The following EMID1 variants were observed in gnomAD, a reference collection of about 807,000 sequenced individuals.
The protein encoded by EMID1 is EMI domain containing 1.
In EMID1, 40 loss-of-function variants were observed where a neutral mutation model predicts 60.6. The observed-to-expected ratio is 0.66, with a 90% CI of 0.51 to 0.86. The LOEUF is 0.86. EMID1 is among the 40% of genes least tolerant of loss of function. The probability of loss-of-function intolerance (pLI) is 0.00; values close to 1 mark genes in which losing one functional copy is unlikely to be tolerated. For missense variants in EMID1, 585 were observed against 597.1 expected (o/e 0.98, Z 0.21); for synonymous variants, 242 against 231.0 (o/e 1.05, Z -0.43).
At chr22:29,214,264 G>T (rs1226609804) in intron 1 of EMID1, among the ~76,000 whole-genome samples, 1 of 152,214 alleles carries the variant, frequency 6.6e-6, no homozygotes, top group East Asian at 1.9e-4. Flanking sequence ...TGCTGCGGGA[G>T]CCAGGGCAGG....
At chr22:29,211,200 G>A (rs2146111161) in intron 1 of EMID1, among the ~76,000 whole-genome samples, 1 of 152,346 alleles carries the variant, frequency 6.6e-6, no homozygotes, top group Non-Finnish European at 1.5e-5. Flanking sequence ...GTCTGTCTAT[G>A]TCCATGTGAC....
intron 13 of EMID1, among the ~76,000 whole-genome samples, chr22:29,247,521 G>C (rs1325841464): frequency 6.6e-6 from 1 of 152,230 alleles, no homozygotes. Flanking sequence ...AACCTAAACA[G>C]CACGTTACTA....
At chr22:29,233,534 G>A in intron 9 of EMID1, 66 bp downstream of exon 9, 2 of 1,605,698 alleles carry the variant, frequency 1.2e-6, no homozygotes, top group Non-Finnish European at 8.5e-7. Flanking sequence ...TAGGGTTTGT[G>A]GCTATCAGGA....
intron 10 of EMID1, 42 bp from the exon 11 acceptor site, chr22:29,234,095 T>C: frequency 6.4e-7 from 1 of 1,554,900 alleles, no homozygotes; most frequent in Non-Finnish European, 8.7e-7. Flanking sequence ...GCCCACTCCA[T>C]CCTGCCCCAA....
intron 13 of EMID1, among the ~76,000 whole-genome samples, chr22:29,248,527 T>C (rs750274490): frequency 6.6e-6 from 1 of 151,904 alleles, no homozygotes; most frequent in Non-Finnish European, 1.5e-5. Flanking sequence ...GTAGAAGGAG[T>C]ACACTCTAAA....
At chr22:29,220,551 C>T (rs371511288) in intron 3 of EMID1, among the ~76,000 whole-genome samples, 5 of 152,142 alleles carry the variant, frequency 3.3e-5, no homozygotes, top group African/African-American at 2.4e-5. Flanking sequence ...GTTACTAAAC[C>T]GAGCAGAGCA....
intron 5 of EMID1, among the ~76,000 whole-genome samples, chr22:29,227,894 G>A (rs1344128848): frequency 1.3e-5 from 2 of 151,628 alleles, no homozygotes; most frequent in African/African-American, 2.4e-5. Context: ...CGTGGCTCAC[G>A]CCTGTAATCA....
At position 29,231,368 on chromosome 22, in the gene EMID1, C is replaced by CG. The variant is rs945078791; in HGVS notation, c.587-219dup. The CG allele has an allele frequency of 2.4e-5, 20 of 829,238 alleles. No homozygotes were observed. The East Asian group carries it at 3.2e-4, about 13-fold the overall frequency. The allele number at this position is 829,238 out of a possible 1,614,324, so 51.4% of individuals were successfully genotyped here. A position where few individuals can be genotyped will look rare whatever the true frequency, so the allele number is the denominator to read the frequency against. ...GCCCCAGCAGACCCTGCCTGGAGGTCGGGGGGAGCTGGGAGTGGGGATTCT... is the reference window on the plus strand; with the variant it reads ...GCCCCAGCAGACCCTGCCTGGAGGTCGGGGGGGAGCTGGGAGTGGGGATTCT... On this transcript the variant is annotated intron_variant, in intron 6 of 14. Coordinates refer to ENST00000334018, the MANE Select transcript of EMID1 (RefSeq NM_133455.4).
chr22:29,214,564 T>C (rs2040013215), intron 1 of EMID1, among the ~76,000 whole-genome samples: 1 of 152,108 alleles, frequency 6.6e-6, no homozygotes, highest in Admixed American at 6.5e-5. Flanking sequence ...ACTGTAGTTG[T>C]CCAGGCAAGA....
rs556431042 is a variant in EMID1, at chr22:29,213,211, C to T, written c.102-1715C>T. Among the ~76,000 whole-genome samples, 11 of 152,330 alleles carry T rather than the reference C, an allele frequency of 7.2e-5. No homozygotes were observed. In the East Asian group the frequency reaches 7.7e-4, roughly 11 times the overall value. ...GTGATAGCTGGGTCTCAGGTCAGCA[C>T]GCAGAGACCTCGGGCTTTGTCACAG... On this transcript the variant is annotated intron_variant, in intron 1 of 14. Coordinates refer to ENST00000334018, the MANE Select transcript of EMID1 (RefSeq NM_133455.4).
intron 13 of EMID1, among the ~76,000 whole-genome samples, chr22:29,245,494 C>T (rs1273414896): frequency 6.6e-6 from 1 of 152,202 alleles, no homozygotes; most frequent in Non-Finnish European, 1.5e-5. Context: ...TCCTGCCCCT[C>T]TTCTACCTGC....
chr22:29,232,532 C>T (rs1262768388), intron 8 of EMID1, 130 bp downstream of exon 8: 2 of 1,052,350 alleles, frequency 1.9e-6, no homozygotes, highest in Admixed American at 6.0e-5. Flanking sequence ...TGACCCAGTC[C>T]TCCAGCAGGC....
intron 12 of EMID1, among the ~76,000 whole-genome samples, chr22:29,237,070 C>T (rs12161095): frequency 0.44 from 65,938 of 149,448 alleles, 16,402 homozygotes; most frequent in Non-Finnish European, 0.53. Context: ...GCTGGAATTA[C>T]GGGTGTGAGC....
chr22:29,206,499 T>A (rs2146067525), intron 1 of EMID1, among the ~76,000 whole-genome samples: 1 of 152,330 alleles, frequency 6.6e-6, no homozygotes, highest in South Asian at 2.1e-4. Flanking sequence ...GGACCCTCTC[T>A]CCCCTTTTCC....
At chr22:29,218,291 G>A (rs1347925805) in intron 3 of EMID1, among the ~76,000 whole-genome samples, 2 of 152,230 alleles carry the variant, frequency 1.3e-5, no homozygotes, top group Non-Finnish European at 2.9e-5. Context: ...TGTGAGGCTG[G>A]TGGGCTCTAG....
At chr22:29,227,931 G>A (rs184663775) in intron 5 of EMID1, among the ~76,000 whole-genome samples, 20 of 151,946 alleles carry the variant, frequency 1.3e-4, no homozygotes, top group African/African-American at 3.4e-4. Flanking sequence ...CAAGGAGGGC[G>A]GATCACCTGA....
intron 14 of EMID1, chr22:29,255,484 C>A: frequency 1.4e-6 from 1 of 704,998 alleles, no homozygotes; most frequent in Non-Finnish European, 2.2e-6. Flanking sequence ...CTTCATCCAG[C>A]CAGCCAGCCA....
Position 29,232,335 on chromosome 22 carries a change from A to G in EMID1, c.756A>G (p.Pro252=), listed in dbSNP as rs201201625. 1 of 1,609,372 alleles carries G rather than the reference A, an allele frequency of 6.2e-7. No individual in the cohort carries two copies. Among genetic ancestry groups the G allele is most frequent in the East Asian group, 2.2e-5 (1 of 44,818 alleles). The change falls in exon 8 of 15, where the codon CCA becomes CCG. Residue 252 remains proline (P), a synonymous_variant. Transcript: ENST00000334018. Reference sequence around the variant, plus strand: ...GAGAGAGGGGACCTCCTGGGCCACCAGGGCCTCCTGGCCCCCCTGGGCCCC... The same window carrying G: ...GAGAGAGGGGACCTCCTGGGCCACCGGGGCCTCCTGGCCCCCCTGGGCCCC... The part of the protein sequence containing the change: ...TPGERGPPGP[P]GPPGPPGPPA...
intron 8 of EMID1, 119 bp from the exon 9 acceptor site, chr22:29,233,260 C>G (rs1568989839): frequency 3.9e-6 from 4 of 1,026,646 alleles, no homozygotes; most frequent in Non-Finnish European, 6.0e-6. Context: ...CCAGGTGGTA[C>G]CAGCCATGCT....
Sources: gnomAD v4.1 joint callset for allele counts (sites outside exome capture counted in the v4.1 genomes callset) on GRCh38, gnomAD v4.1.1 for gene constraint, MANE v1.5 for transcripts, NCBI Gene and HGNC (gene_info 2026-07-23, HGNC 2026-07-21) for gene names.